Variants in CSNK1G3 observed in about 807,000 individuals in gnomAD.
The protein encoded by CSNK1G3 is casein kinase 1 gamma 3.
Under a neutral mutation model 64.3 loss-of-function variants are expected in CSNK1G3, and 23 were observed. The ratio of observed to expected loss-of-function variants is 0.36; its 90% CI spans 0.26 to 0.51. The LOEUF (loss-of-function observed/expected upper bound fraction) is 0.51, where lower values mean the gene tolerates loss of function less well. Among genes scored for constraint, CSNK1G3 ranks in the 20% least tolerant of loss-of-function variants. CSNK1G3 has a pLI of 0.96. For missense variants in CSNK1G3, 357 were observed against 510.5 expected (o/e 0.70, Z 2.90); for synonymous variants, 158 against 162.2 (o/e 0.97, Z 0.20).
intron 4 of CSNK1G3, among the ~76,000 whole-genome samples, chr5:123,571,535 TAAAC>T (rs940741111): frequency 6.6e-6 from 1 of 152,138 alleles, no homozygotes; most frequent in African/African-American, 2.4e-5. Flanking sequence ...AATAGATAAG[TAAAC>T]TGAGGCCCAC....
chr5:123,578,544 T>C (rs1320395854), intron 6 of CSNK1G3, among the ~76,000 whole-genome samples: 1 of 151,944 alleles, frequency 6.6e-6, no homozygotes. Context: ...GTAATTTCTT[T>C]CAGTCTTTGC....
At position 123,604,718 on chromosome 5, in the gene CSNK1G3, A is replaced by C. The variant is rs114475286; in HGVS notation, c.1087-6A>C. ...TACATATATAAAAAATTTTTTTTTC[A>C]AACAGGTTGTAAGTTCTACAAATGG... On this transcript the variant is annotated splice_region_variant and splice_polypyrimidine_tract_variant and intron_variant, in intron 10 of 12. Transcript: ENST00000345990. The C allele has an allele frequency of 1.3e-6, 2 of 1,597,790 alleles. No homozygotes were observed. The highest frequency in any genetic ancestry group is 2.3e-5 in the South Asian group (2 of 88,372).
intron 1 of CSNK1G3, among the ~76,000 whole-genome samples, chr5:123,544,540 T>G (rs975848710): frequency 6.6e-6 from 1 of 152,246 alleles, no homozygotes; most frequent in East Asian, 1.9e-4. Flanking sequence ...AATTTATAAC[T>G]TCTTTAATAG....
At chr5:123,549,626 C>T (rs1354480246) in intron 2 of CSNK1G3, among the ~76,000 whole-genome samples, 1 of 152,292 alleles carries the variant, frequency 6.6e-6, no homozygotes, top group East Asian at 1.9e-4. Context: ...CTGGGAAACC[C>T]CAGTAAATGC....
chr5:123,530,965 C>T (rs751661581), intron 1 of CSNK1G3, among the ~76,000 whole-genome samples: 7 of 152,132 alleles, frequency 4.6e-5, no homozygotes, highest in Non-Finnish European at 7.4e-5. Flanking sequence ...GATGTAACGG[C>T]TAGCCTTCAC....
chr5:123,593,054 A>C (rs1045340964), intron 10 of CSNK1G3, among the ~76,000 whole-genome samples: 2 of 151,980 alleles, frequency 1.3e-5, no homozygotes, highest in Non-Finnish European at 2.9e-5. Flanking sequence ...TTGTTGAATT[A>C]AATTATAAAT....
chr5:123,595,842 A>G (rs1472048722), intron 10 of CSNK1G3, among the ~76,000 whole-genome samples: 7 of 152,060 alleles, frequency 4.6e-5, no homozygotes, highest in Admixed American at 3.3e-4. Flanking sequence ...TATATTGTAG[A>G]AATAGGGAAA....
At chr5:123,606,302 A>G (rs1018780445) in intron 12 of CSNK1G3, among the ~76,000 whole-genome samples, 1 of 152,160 alleles carries the variant, frequency 6.6e-6, no homozygotes, top group Non-Finnish European at 1.5e-5. Context: ...TAAATCCGTG[A>G]AAGTATAGTC....
intron 10 of CSNK1G3, among the ~76,000 whole-genome samples, chr5:123,600,280 C>A (rs1051832829): frequency 1.4e-4 from 21 of 152,196 alleles, no homozygotes; most frequent in African/African-American, 4.8e-4. Context: ...TTAATTCATA[C>A]ATTGTATCAA....
At chr5:123,580,638 T>C (rs1790066431) in intron 6 of CSNK1G3, among the ~76,000 whole-genome samples, 1 of 151,940 alleles carries the variant, frequency 6.6e-6, no homozygotes, top group Admixed American at 6.6e-5. Flanking sequence ...GTGTCACATC[T>C]GATCAAGTGT....
intron 10 of CSNK1G3, among the ~76,000 whole-genome samples, chr5:123,597,215 G>C (rs1411428819): frequency 6.6e-6 from 1 of 152,090 alleles, no homozygotes; most frequent in Non-Finnish European, 1.5e-5. Context: ...GGGCTTATTT[G>C]TGCAATGGTC....
exon 13 of CSNK1G3, chr5:123,614,654 T>C: frequency 2.8e-6 from 1 of 357,568 alleles, no homozygotes; most frequent in South Asian, 5.7e-5. Flanking sequence ...AATGGACCAA[T>C]GAGGTGGTAT....
chr5:123,589,832 A>C (rs1030773510), intron 8 of CSNK1G3, among the ~76,000 whole-genome samples: 18 of 152,150 alleles, frequency 1.2e-4, no homozygotes, highest in Non-Finnish European at 2.5e-4. Context: ...TTAAGAGAAG[A>C]CTTACACTGT....
At chr5:123,601,397 A>G (rs924797595) in intron 10 of CSNK1G3, among the ~76,000 whole-genome samples, 5 of 152,170 alleles carry the variant, frequency 3.3e-5, no homozygotes, top group African/African-American at 1.2e-4. Context: ...TAACTCTGTT[A>G]CCACAGTGAT....
chr5:123,616,895 G>A (rs1413396212), exon 13 of CSNK1G3: 1 of 152,054 alleles, frequency 6.6e-6, no homozygotes, highest in Non-Finnish European at 1.5e-5. Context: ...AAAGGAATAT[G>A]CTTTTGTTAT....
intron 6 of CSNK1G3, among the ~76,000 whole-genome samples, chr5:123,584,378 G>T (rs1183157872): frequency 6.6e-6 from 1 of 152,070 alleles, no homozygotes; most frequent in African/African-American, 2.4e-5. Context: ...ATACGTGTTG[G>T]ATTTTGTCAA....
At chr5:123,571,234 TG>T (rs1018665303) in intron 4 of CSNK1G3, among the ~76,000 whole-genome samples, 6 of 152,290 alleles carry the variant, frequency 3.9e-5, no homozygotes, top group African/African-American at 1.4e-4. Flanking sequence ...AGTTTGAATT[TG>T]TATCCATTCC....
intron 1 of CSNK1G3, among the ~76,000 whole-genome samples, chr5:123,535,827 T>A (rs114910020): frequency 6.6e-6 from 1 of 152,280 alleles, no homozygotes; most frequent in African/African-American, 2.4e-5. Flanking sequence ...TGATGTTCAA[T>A]TTTAAGCTAA....
At chr5:123,563,645 G>A (rs1456738297) in intron 4 of CSNK1G3, among the ~76,000 whole-genome samples, 1 of 151,996 alleles carries the variant, frequency 6.6e-6, no homozygotes, top group Non-Finnish European at 1.5e-5. Context: ...TATAAACTTT[G>A]TTAAAAGTTG....
Sources: gnomAD v4.1 joint callset for allele counts (sites outside exome capture counted in the v4.1 genomes callset) on GRCh38, gnomAD v4.1.1 for gene constraint, MANE v1.5 for transcripts, NCBI Gene and HGNC (gene_info 2026-07-23, HGNC 2026-07-21) for gene names.